The following ZFP1 variants were observed in gnomAD, a reference collection of about 807,000 sequenced individuals.
ZFP1 encodes ZFP1 zinc finger protein.
ZFP1 carries 32 observed loss-of-function variants against 38.5 expected under a neutral mutation model. The observed-to-expected ratio is 0.83, with a 90% CI of 0.63 to 1.12. The LOEUF is 1.12. Among genes scored for constraint, ZFP1 ranks in the 50% most tolerant of loss-of-function variants. The pLI is 0.00. For missense variants in ZFP1, 616 were observed against 480.8 expected, an observed-to-expected ratio of 1.28 and a Z score of -2.63; for synonymous variants, 245 against 168.8, an observed-to-expected ratio of 1.45 and a Z score of -3.50.
chr16:75,164,464 C>T (rs2037952218), intron 2 of ZFP1, among the ~76,000 whole-genome samples: 1 of 152,160 alleles, frequency 6.6e-6, no homozygotes, highest in African/African-American at 2.4e-5. Context: ...ACTTCCTTTC[C>T]CATTCCATAT....
rs542272407 is a variant in ZFP1, at chr16:75,164,788, C to G, written c.16-1982C>G. 4.8e-5 allele frequency among the ~76,000 whole-genome samples: 7 copies of G among 146,748 alleles called. No homozygotes were observed. In the South Asian group the frequency reaches 6.5e-4, roughly 14 times the overall value. On this transcript the variant is annotated intron_variant, in intron 2 of 3. Transcript: ENST00000570010. The stretch of plus-strand genomic sequence containing the variant: ...AATGATTTGAAATAAAAATATGAAA[C>G]TCAGATTTTAGTTTCCATAAGTTTT...
chr16:75,144,689 C>CACTA (rs1419396536), upstream of ZFP1, among the ~76,000 whole-genome samples: 5 of 152,220 alleles, frequency 3.3e-5, no homozygotes, highest in East Asian at 9.6e-4. Context: ...ACCGTTTAAG[C>CACTA]ACTAACTCCC....
At chr16:75,139,746 T>A in the ZFP1 span, among the ~76,000 whole-genome samples, 13,341 of 152,012 alleles carry the variant, frequency 0.088, 1,970 homozygotes, top group African/African-American at 0.3. Context: ...GTCATCAAAA[T>A]TCATAGAACC....
chr16:75,119,416 T>A, the ZFP1 span: 1 of 152,134 alleles, frequency 6.6e-6, no homozygotes, highest in African/African-American at 2.4e-5. Context: ...TTTTTGGAGT[T>A]TTACTTGCTT....
chr16:75,164,842 G>A (rs933701745), intron 2 of ZFP1, among the ~76,000 whole-genome samples: 34 of 150,618 alleles, frequency 2.3e-4, no homozygotes, highest in African/African-American at 9.8e-5. Context: ...AGTTTCACTC[G>A]TTGCACAGGA....
chr16:75,137,833 T>A, the ZFP1 span, among the ~76,000 whole-genome samples: 2 of 151,588 alleles, frequency 1.3e-5, no homozygotes, highest in African/African-American at 4.8e-5. Flanking sequence ...AGCCCAGGAG[T>A]TGCAGGGAGC....
chr16:75,130,990 A>G, the ZFP1 span, among the ~76,000 whole-genome samples: 2 of 152,040 alleles, frequency 1.3e-5, no homozygotes, highest in Non-Finnish European at 2.9e-5. Context: ...AGGGCCTGAT[A>G]TCCATTTATC....
chr16:75,169,240 T>C lies in ZFP1; in HGVS notation c.143-13T>C. Reference sequence around the variant, plus strand: ...ATTGACAAGGTTCTTTTCATTGTGCTCTCTATTCCTAGAAGTGTGGAAGGC... The same window carrying C: ...ATTGACAAGGTTCTTTTCATTGTGCCCTCTATTCCTAGAAGTGTGGAAGGC... On this transcript the variant is annotated splice_polypyrimidine_tract_variant and intron_variant, in intron 3 of 3. Transcript: ENST00000570010. 5 of 1,585,462 alleles carry C rather than the reference T, an allele frequency of 3.2e-6. No individual in the cohort carries two copies. Among genetic ancestry groups the C allele is most frequent in the Non-Finnish European group, 4.3e-6 (5 of 1,170,480 alleles).
chr16:75,124,617 A>G, the ZFP1 span, among the ~76,000 whole-genome samples: 1 of 150,346 alleles, frequency 6.7e-6, no homozygotes, highest in African/African-American at 2.4e-5. Context: ...CCCCATCTCT[A>G]CTAAAAATAC....
At chr16:75,148,109 T>C (rs757728165), upstream of ZFP1, among the ~76,000 whole-genome samples, 2 of 152,210 alleles carry the variant, frequency 1.3e-5, no homozygotes, top group African/African-American at 2.4e-5. Flanking sequence ...ATGGCCAGTT[T>C]TGTAACAACA....
chr16:75,150,208 TC>T (rs1302080048), intron 1 of ZFP1, among the ~76,000 whole-genome samples: 7,439 of 113,704 alleles, frequency 0.065, 330 homozygotes, highest in African/African-American at 0.15. Context: ...ATTTTCCAGA[TC>T]TTTTTTTTTT....
chr16:75,130,023 A>G, the ZFP1 span, among the ~76,000 whole-genome samples: 4 of 152,022 alleles, frequency 2.6e-5, no homozygotes, highest in African/African-American at 7.2e-5. Flanking sequence ...TTTCAGACAG[A>G]GTCCACTCTG....
the ZFP1 span, among the ~76,000 whole-genome samples, chr16:75,131,112 G>A: frequency 1.3e-5 from 2 of 152,206 alleles, no homozygotes; most frequent in African/African-American, 4.8e-5. Flanking sequence ...CTTGACACAC[G>A]CTGTGCCCTC....
At chr16:75,167,440 A>G (rs1428956484) in intron 3 of ZFP1, among the ~76,000 whole-genome samples, 1 of 149,832 alleles carries the variant, frequency 6.7e-6, no homozygotes, top group Non-Finnish European at 1.5e-5. Context: ...TGCCTCTCAC[A>G]CTTGAACCCT....
chr16:75,142,749 T>A, the ZFP1 span, among the ~76,000 whole-genome samples: 1 of 152,170 alleles, frequency 6.6e-6, no homozygotes, highest in Non-Finnish European at 1.5e-5. Context: ...GTCACCCAGG[T>A]TGGAGTGCAG....
At chr16:75,150,034 C>A (rs1206613251) in intron 1 of ZFP1, among the ~76,000 whole-genome samples, 3 of 152,064 alleles carry the variant, frequency 2.0e-5, no homozygotes, top group Admixed American at 1.3e-4. Context: ...ATTCTCCCGC[C>A]TTGGCTTCCC....
chr16:75,163,951 T>A (rs1031148460), intron 2 of ZFP1, among the ~76,000 whole-genome samples: 1 of 152,230 alleles, frequency 6.6e-6, no homozygotes, highest in South Asian at 2.1e-4. Flanking sequence ...TTCTTGACCA[T>A]TAAAGCCAGT....
intron 3 of ZFP1, among the ~76,000 whole-genome samples, chr16:75,167,357 C>T (rs116357170): frequency 6.6e-5 from 10 of 152,086 alleles, no homozygotes; most frequent in African/African-American, 2.4e-4. Flanking sequence ...ACCTCAATCT[C>T]TGAAGCATAC....
At chr16:75,140,763 T>C in the ZFP1 span, among the ~76,000 whole-genome samples, 1 of 152,124 alleles carries the variant, frequency 6.6e-6, no homozygotes. Context: ...ATCGAGACCA[T>C]CCTGGCTAAC....
Sources: allele counts gnomAD v4.1 joint callset (sites outside exome capture counted in the v4.1 genomes callset), GRCh38; gene constraint gnomAD v4.1.1; transcripts MANE v1.5; gene names NCBI Gene and HGNC (gene_info 2026-07-23, HGNC 2026-07-21).